CIT: variants seen among roughly 807,000 people sequenced by gnomAD.
CIT encodes the protein citron Rho-interacting kinase.
In CIT, 79 loss-of-function variants were observed where a neutral mutation model predicts 272.7. The ratio of observed to expected loss-of-function variants is 0.29; its 90% confidence interval spans 0.24 to 0.35. The LOEUF (loss-of-function observed/expected upper bound fraction) is 0.35, where lower values mean the gene tolerates loss of function less well. Among genes scored for constraint, CIT ranks in the 10% least tolerant of loss-of-function variants. The probability of loss-of-function intolerance (pLI) is 1.00; values close to 1 mark genes in which losing one functional copy is unlikely to be tolerated. For synonymous variants in CIT, 948 were observed against 995.6 expected (o/e 0.95, Z 0.90); for missense variants, 1,909 against 2,618.3 (o/e 0.73, Z 5.91).
chr12:119,812,888 G>C (rs776838058), intron 9 of CIT, among the ~76,000 whole-genome samples: 1 of 151,776 alleles, frequency 6.6e-6, no homozygotes, highest in Non-Finnish European at 1.5e-5. Flanking sequence ...ACATTTATTT[G>C]GCCATGTTTT....
At chr12:119,797,408 A>G (rs1965820718) in intron 10 of CIT, among the ~76,000 whole-genome samples, 2 of 152,210 alleles carry the variant, frequency 1.3e-5, no homozygotes, top group Non-Finnish European at 2.9e-5. Context: ...CTTGGCTAAG[A>G]GAAGGAAGAA....
chr12:119,688,898 C>A (rs534641540), intron 47 of CIT, among the ~76,000 whole-genome samples: 4 of 152,088 alleles, frequency 2.6e-5, no homozygotes, highest in Non-Finnish European at 5.9e-5. Flanking sequence ...TGGTGACTCA[C>A]GCCTGTAATC....
rs530093374 is a variant in CIT at position 119,714,188 on chromosome 12, T to C, written c.4306+9A>G. The C allele has an allele frequency of 1.9e-6, 3 of 1,614,122 alleles. No homozygotes were observed. The highest frequency in any genetic ancestry group is 3.3e-5 in the Admixed American group (2 of 60,008). On this transcript the variant is annotated intron_variant, in intron 33 of 47. Transcript: ENST00000392521. Reference sequence around the variant, plus strand: ...GTGCCCAGCACAGATGCACAACTACTGATCTTACCGAGACATTTGGATGCC... The same window carrying C: ...GTGCCCAGCACAGATGCACAACTACCGATCTTACCGAGACATTTGGATGCC...
chr12:119,785,534 C>T (rs1964704395), intron 10 of CIT, among the ~76,000 whole-genome samples: 1 of 151,910 alleles, frequency 6.6e-6, no homozygotes, highest in Admixed American at 6.6e-5. Context: ...CTTGTCTACA[C>T]TGATCTCAGC....
chr12:119,772,433 G>C (rs1256618308), intron 17 of CIT, among the ~76,000 whole-genome samples: 1 of 152,012 alleles, frequency 6.6e-6, no homozygotes, highest in Non-Finnish European at 1.5e-5. Context: ...GAGGGGAAAG[G>C]CAAGGAAAAA....
intron 3 of CIT, 73 bp from the exon 4 acceptor site, chr12:119,857,771 A>G (rs1055223526): frequency 7.1e-7 from 1 of 1,403,156 alleles, no homozygotes; most frequent in Admixed American, 2.2e-5. Context: ...AAAGAAAAAA[A>G]AAAAAGAAAA....
intron 27 of CIT, among the ~76,000 whole-genome samples, chr12:119,729,001 T>C (rs1958283110): frequency 6.6e-6 from 1 of 152,166 alleles, no homozygotes; most frequent in African/African-American, 2.4e-5. Context: ...GAAAGGCCCA[T>C]AACTAGACAT....
intron 5 of CIT, among the ~76,000 whole-genome samples, chr12:119,848,836 G>C (rs1372299809): frequency 6.6e-6 from 1 of 152,018 alleles, no homozygotes; most frequent in African/African-American, 2.4e-5. Context: ...AACCAGCCTG[G>C]GCAACATGGC....
intron 29 of CIT, 41 bp downstream of exon 29, chr12:119,721,268 T>A: frequency 6.4e-7 from 1 of 1,568,750 alleles, no homozygotes; most frequent in Non-Finnish European, 8.7e-7. Flanking sequence ...CGCCCAGCCG[T>A]GCAGACCATT....
intron 4 of CIT, among the ~76,000 whole-genome samples, chr12:119,854,380 G>A (rs1970437696): frequency 6.6e-6 from 1 of 151,206 alleles, no homozygotes; most frequent in African/African-American, 2.4e-5. Flanking sequence ...GCTCACGCCT[G>A]TAATCCCAGT....
intron 26 of CIT, among the ~76,000 whole-genome samples, chr12:119,732,654 A>C (rs538851817): frequency 6.6e-6 from 1 of 152,208 alleles, no homozygotes; most frequent in East Asian, 1.9e-4. Context: ...TTGGAGCTCA[A>C]CTGAACTTTG....
intron 10 of CIT, among the ~76,000 whole-genome samples, chr12:119,791,655 G>A (rs1312785984): frequency 1.3e-5 from 2 of 152,324 alleles, no homozygotes; most frequent in African/African-American, 4.8e-5. Flanking sequence ...TCTGAGCAGC[G>A]GGTGCACGCA....
Position 119,697,785 on chromosome 12 carries a change from G to T in CIT, c.5756C>A (p.Ala1919Asp). 1 of 1,614,120 alleles carries T rather than the reference G, an allele frequency of 6.2e-7. No homozygotes were observed. Among genetic ancestry groups the T allele is most frequent in the Non-Finnish European group, 8.5e-7 (1 of 1,180,010 alleles). The change falls in exon 46 of 48, where the codon GCC becomes GAC. Residue 1919 changes from alanine (A) to aspartate (D), a missense_variant. This residue lies in a region of CIT where 780 missense variants were observed against 1,067.2 expected (regional missense o/e 0.73). Coordinates refer to ENST00000392521, the MANE Select transcript of CIT (RefSeq NM_001206999.2). This position sits in a 1 kb window ranked among gnomAD's most constrained non-coding sequence, Gnocchi z 4.9. Reference protein sequence around the residue: ...DIPNPRYLGPAISSGAIYLAS... With the variant: ...DIPNPRYLGPDISSGAIYLAS... ...CAAGTAAATCGCTCCTGAGGAAATGGCAGGGCCCAGGTAGCGCGGGTTCGG... is the reference window on the plus strand; with the variant it reads ...CAAGTAAATCGCTCCTGAGGAAATGTCAGGGCCCAGGTAGCGCGGGTTCGG...
intron 23 of CIT, among the ~76,000 whole-genome samples, chr12:119,750,228 G>C (rs2137398354): frequency 6.6e-6 from 1 of 152,274 alleles, no homozygotes; most frequent in African/African-American, 2.4e-5. Context: ...TAAAAGCTAA[G>C]AAATGTTATC....
At chr12:119,780,187 G>A (rs2137670055) in intron 13 of CIT, among the ~76,000 whole-genome samples, 1 of 152,294 alleles carries the variant, frequency 6.6e-6, no homozygotes, top group African/African-American at 2.4e-5. Context: ...CCTGAGTAGG[G>A]GAGCAAGGAA....
rs35690078 is a variant in CIT, at chr12:119,716,378, CAAAAAAAAAAAAAAAAAAAAAA to C, written c.4168+1845_4168+1866del. Among the ~76,000 whole-genome samples, 14 of 17,790 alleles carry C rather than the reference CAAAAAAAAAAAAAAAAAAAAAA, an allele frequency of 7.9e-4. 1 individual carries two copies. Among genetic ancestry groups the C allele is most frequent in the East Asian group, 7.4e-3 (3 of 406 alleles). The allele number at this position is 17,790 out of a possible 152,430, so 11.7% of individuals were successfully genotyped here. A position where few individuals can be genotyped will look rare whatever the true frequency, so the allele number is the denominator to read the frequency against. On this transcript the variant is annotated intron_variant, in intron 32 of 47. Transcript: ENST00000392521. ...TGGGCGACAGAGCGAGACTCTGTCT[CAAAAAAAAAAAAAAAAAAAAAA>C]AAAAAAAAAAAAAAGTAAAGCTCTT...
rs10699099 is a variant in CIT, at chr12:119,717,838, C to CTTTTTTT, written c.4168+400_4168+406dup. 1.7e-3 allele frequency among the ~76,000 whole-genome samples: 138 copies of CTTTTTTT among 81,010 alleles called. 4 individuals are homozygous for CTTTTTTT. The highest frequency in any genetic ancestry group is 2.7e-3 in the African/African-American group (55 of 20,092). 53.1% of individuals were successfully genotyped at this position (81,010 alleles called of 152,430 possible). A position where few individuals can be genotyped will look rare whatever the true frequency, so the allele number is the denominator to read the frequency against. On this transcript the variant is annotated intron_variant, in intron 32 of 47. Coordinates refer to ENST00000392521, the MANE Select transcript of CIT (RefSeq NM_001206999.2). ...GGGGAGCCAGGAGACTGACTTCTTT[C>CTTTTTTT]TTTTTTTTTTTTTTTTTTTTGAGAT...
chr12:119,791,667 C>G (rs1382690234), intron 10 of CIT, among the ~76,000 whole-genome samples: 1 of 152,228 alleles, frequency 6.6e-6, no homozygotes, highest in Admixed American at 6.5e-5. Flanking sequence ...GTGCACGCAG[C>G]CACCCGCCCA....
chr12:119,708,272 C>T lies in CIT; in HGVS notation c.5118G>A (p.Gln1706=). The part of the protein sequence containing the change: ...LCLVDVKKVK[Q]SLAQSHLPAQ... ...CAGGCAGGTGGGACTGGGCCAGGGA[C>T]TGTTTCACTTTCTTCACGTCCACAA... is the stretch of plus-strand genomic sequence containing the variant. The change falls in exon 40 of 48, where the codon CAG becomes CAA. Residue 1706 remains glutamine, a synonymous_variant. Coordinates refer to ENST00000392521, the MANE Select transcript of CIT (RefSeq NM_001206999.2). 1 of 1,606,052 alleles carries T rather than the reference C, an allele frequency of 6.2e-7. No individual in the cohort carries two copies. The highest frequency in any genetic ancestry group is 8.5e-7 in the Non-Finnish European group (1 of 1,176,558).
Sources: gnomAD v4.1 joint callset for allele counts (sites outside exome capture counted in the v4.1 genomes callset) on GRCh38, gnomAD v4.1.1 for gene constraint, gnomAD v4.1.1 regional missense constraint, Gnocchi (gnomAD v3.1) non-coding constraint, MANE v1.5 for transcripts, NCBI Gene and HGNC (gene_info 2026-07-23, HGNC 2026-07-21) for gene names.